CNBD1: variants seen among roughly 807,000 people sequenced by gnomAD.
CNBD1 encodes the protein cyclic nucleotide-binding domain-containing protein 1.
A neutral mutation model predicts 54.4 loss-of-function variants in CNBD1; 71 were observed. That is an observed-to-expected ratio of 1.30 (90% CI 1.08 to 1.59). The LOEUF is 1.59. CNBD1 is among the 40% of genes most tolerant of loss of function. CNBD1 has a pLI of 0.00. For synonymous variants in CNBD1, 182 were observed against 170.7 expected (o/e 1.07, Z -0.51); for missense variants, 659 against 518.0 (o/e 1.27, Z -2.64).
intron 4 of CNBD1, among the ~76,000 whole-genome samples, chr8:87,029,831 T>G (rs991012310): frequency 4.6e-5 from 7 of 152,158 alleles, no homozygotes; most frequent in Non-Finnish European, 8.8e-5. Flanking sequence ...TTTATAAGCT[T>G]CTGAGGTTTT....
intron 3 of CNBD1, among the ~76,000 whole-genome samples, chr8:86,906,710 A>G (rs1466208152): frequency 6.6e-6 from 1 of 152,184 alleles, no homozygotes; most frequent in Non-Finnish European, 1.5e-5. Flanking sequence ...TTGCCCTCAT[A>G]TTTATTCATT....
chr8:87,376,520 A>G (rs1810942950), intron 10 of CNBD1, among the ~76,000 whole-genome samples: 1 of 151,946 alleles, frequency 6.6e-6, no homozygotes, highest in Non-Finnish European at 1.5e-5. Flanking sequence ...AAACCGGCCT[A>G]AAAATAATTA....
At chr8:87,367,271 G>T (rs1810660036) in intron 10 of CNBD1, among the ~76,000 whole-genome samples, 1 of 151,994 alleles carries the variant, frequency 6.6e-6, no homozygotes, top group Non-Finnish European at 1.5e-5. Context: ...ACCTTCACAG[G>T]TCTCAAGGTG....
intron 8 of CNBD1, among the ~76,000 whole-genome samples, chr8:87,295,731 G>C (rs1428507927): frequency 2.0e-5 from 3 of 151,936 alleles, no homozygotes; most frequent in Non-Finnish European, 4.4e-5. Context: ...TGTGTCTCCT[G>C]ACATTTAGAA....
intron 4 of CNBD1, among the ~76,000 whole-genome samples, chr8:87,013,862 T>G (rs1207724153): frequency 6.6e-6 from 1 of 152,040 alleles, no homozygotes; most frequent in Non-Finnish European, 1.5e-5. Context: ...ATGTAAATTT[T>G]GCTATCTAAT....
chr8:87,360,659 A>C (rs1810507450), intron 10 of CNBD1, among the ~76,000 whole-genome samples: 1 of 151,960 alleles, frequency 6.6e-6, no homozygotes, highest in Admixed American at 6.6e-5. Flanking sequence ...GTAATGAGAA[A>C]GAATTTCTTT....
chr8:87,349,952 C>T (rs533278834), intron 8 of CNBD1, among the ~76,000 whole-genome samples: 1 of 152,288 alleles, frequency 6.6e-6, no homozygotes, highest in Admixed American at 6.5e-5. Flanking sequence ...CTGTGACCTA[C>T]ATAGGGTTTG....
chr8:87,407,481 T>C (rs1006819009), intron 2 of CNBD1, among the ~76,000 whole-genome samples: 5 of 152,088 alleles, frequency 3.3e-5, no homozygotes, highest in African/African-American at 9.6e-5. Flanking sequence ...GTTAATGCTT[T>C]TATTGCATAT....
At chr8:87,031,026 C>T (rs1459210055) in intron 4 of CNBD1, among the ~76,000 whole-genome samples, 1 of 147,452 alleles carries the variant, frequency 6.8e-6, no homozygotes, top group Admixed American at 6.9e-5. Context: ...CTTCCAGAAG[C>T]CCTCTTCACC....
At chr8:86,893,730 C>T (rs1306764413) in intron 2 of CNBD1, among the ~76,000 whole-genome samples, 1 of 152,124 alleles carries the variant, frequency 6.6e-6, no homozygotes, top group Admixed American at 6.5e-5. Context: ...ACATAGCTGA[C>T]ATTCAAAAAA....
chr8:87,292,644 A>T (rs2130875909), intron 8 of CNBD1, among the ~76,000 whole-genome samples: 1 of 152,272 alleles, frequency 6.6e-6, no homozygotes, highest in African/African-American at 2.4e-5. Flanking sequence ...TCTTCCAAGC[A>T]CTTCTAACCA....
intron 8 of CNBD1, among the ~76,000 whole-genome samples, chr8:87,310,151 G>A (rs1281009714): frequency 2.0e-5 from 3 of 151,980 alleles, no homozygotes; most frequent in African/African-American, 4.8e-5. Context: ...GCCCAGGAGT[G>A]TATGACCAGT....
chr8:87,029,077 C>T (rs1809722200), intron 4 of CNBD1, among the ~76,000 whole-genome samples: 1 of 152,184 alleles, frequency 6.6e-6, no homozygotes, highest in Non-Finnish European at 1.5e-5. Flanking sequence ...TAACTTACTA[C>T]ATTAGCAAAA....
At chr8:87,172,532 T>G (rs2130769765) in intron 4 of CNBD1, among the ~76,000 whole-genome samples, 1 of 152,208 alleles carries the variant, frequency 6.6e-6, no homozygotes, top group South Asian at 2.1e-4. Context: ...CTAATAATAT[T>G]TGCTTTATAT....
intron 8 of CNBD1, among the ~76,000 whole-genome samples, chr8:87,291,446 G>A (rs1054257602): frequency 6.6e-6 from 1 of 152,076 alleles, no homozygotes; most frequent in African/African-American, 2.4e-5. Context: ...CTGCTAAAGA[G>A]CAGATACTAA....
chr8:87,359,640 C>G (rs910338171), intron 10 of CNBD1, among the ~76,000 whole-genome samples: 1 of 152,056 alleles, frequency 6.6e-6, no homozygotes, highest in African/African-American at 2.4e-5. Flanking sequence ...TCTCCATCTA[C>G]TTCATTTATT....
At chr8:86,901,554 C>T (rs969257727) in intron 2 of CNBD1, among the ~76,000 whole-genome samples, 1 of 152,116 alleles carries the variant, frequency 6.6e-6, no homozygotes, top group Non-Finnish European at 1.5e-5. Flanking sequence ...TATAGATAAA[C>T]ACTAAATCTC....
At chr8:87,309,527 C>A (rs375458853) in intron 8 of CNBD1, among the ~76,000 whole-genome samples, 9 of 151,988 alleles carry the variant, frequency 5.9e-5, no homozygotes, top group African/African-American at 2.2e-4. Flanking sequence ...AATATAATTC[C>A]CTGTGGGAAT....
At chr8:87,237,418 G>A (rs1239214455) in intron 6 of CNBD1, among the ~76,000 whole-genome samples, 1 of 152,078 alleles carries the variant, frequency 6.6e-6, no homozygotes, top group Non-Finnish European at 1.5e-5. Context: ...AGAGGGAATA[G>A]GTGATTTGAG....
Sources: gnomAD v4.1 joint callset for allele counts (sites outside exome capture counted in the v4.1 genomes callset) on GRCh38, gnomAD v4.1.1 for gene constraint, MANE v1.5 for transcripts, NCBI Gene and HGNC (gene_info 2026-07-23, HGNC 2026-07-21) for gene names.